GRIK4: variants seen among roughly 807,000 people sequenced by gnomAD.
GRIK4 encodes the protein glutamate receptor ionotropic, kainate 4.
A neutral mutation model predicts 104.9 loss-of-function variants in GRIK4; 40 were observed. The ratio of observed to expected loss-of-function variants is 0.38; its 90% CI spans 0.30 to 0.50. The LOEUF is 0.50. Among genes scored for constraint, GRIK4 ranks in the 20% least tolerant of loss-of-function variants. The pLI, the probability that GRIK4 is intolerant of heterozygous loss-of-function variation, is 0.93. For synonymous variants in GRIK4, 485 were observed against 524.9 expected (o/e 0.92, Z 1.04); for missense variants, 1,047 against 1,308.1 (o/e 0.80, Z 3.08).
chr11:120,912,770 A>C (rs1424129239), intron 13 of GRIK4, among the ~76,000 whole-genome samples: 1 of 152,240 alleles, frequency 6.6e-6, no homozygotes, highest in African/African-American at 2.4e-5. Context: ...GCAGCTGCTC[A>C]GAATTGAGAA....
chr11:120,812,127 C>A (rs141017031), intron 4 of GRIK4, among the ~76,000 whole-genome samples: 1 of 152,248 alleles, frequency 6.6e-6, no homozygotes, highest in South Asian at 2.1e-4. Context: ...TGGCAGTAGA[C>A]GTAGGAAGGA....
At chr11:120,974,359 C>A (rs1212778430) in intron 19 of GRIK4, among the ~76,000 whole-genome samples, 1 of 151,966 alleles carries the variant, frequency 6.6e-6, no homozygotes, top group Admixed American at 6.5e-5. Flanking sequence ...TTCACGTGTG[C>A]CTAAAGGAAG....
rs996641766 is a variant in GRIK4, at chr11:120,898,612, C to T, written c.1245C>T (p.Asn415=). The change falls in exon 12 of 21, where the codon AAC becomes AAT. Residue 415 remains asparagine, a synonymous_variant. Transcript: ENST00000527524. Reference sequence around the variant, plus strand: ...CCAACATCTCGGACACTCTCTTCAACACCACCCTGGTCGTCACCACCATCC... The same window carrying T: ...CCAACATCTCGGACACTCTCTTCAATACCACCCTGGTCGTCACCACCATCC... ...YASNISDTLF[N]TTLVVTTILE... is the part of the protein sequence containing the mutation. 2.5e-6 allele frequency: 4 copies of T among 1,609,824 alleles called. No homozygotes were observed. The African/African-American group carries it at 4.0e-5, about 16-fold the overall frequency.
At chr11:120,605,524 G>A (rs1948949056) in intron 1 of GRIK4, among the ~76,000 whole-genome samples, 1 of 152,242 alleles carries the variant, frequency 6.6e-6, no homozygotes, top group Non-Finnish European at 1.5e-5. Flanking sequence ...TAGCGTCTGA[G>A]TGGGGTGGGT....
intron 1 of GRIK4, among the ~76,000 whole-genome samples, chr11:120,573,838 C>T (rs372450178): frequency 2.6e-5 from 4 of 152,316 alleles, no homozygotes; most frequent in Admixed American, 2.0e-4. Context: ...GTGGCCTGGG[C>T]TTACAGCCAA....
intron 3 of GRIK4, among the ~76,000 whole-genome samples, chr11:120,765,707 C>T (rs1432382268): frequency 2.0e-5 from 3 of 152,160 alleles, no homozygotes; most frequent in Non-Finnish European, 4.4e-5. Context: ...TTCCTTCTAA[C>T]AGTCAGGCCT....
intron 16 of GRIK4, among the ~76,000 whole-genome samples, chr11:120,959,722 T>C (rs1944247122): frequency 6.6e-6 from 1 of 152,252 alleles, no homozygotes; most frequent in Non-Finnish European, 1.5e-5. Context: ...TTCTGTCTAC[T>C]CAGTAAAACA....
chr11:120,737,158 C>T (rs574948451), intron 3 of GRIK4, among the ~76,000 whole-genome samples: 12 of 152,058 alleles, frequency 7.9e-5, no homozygotes, highest in East Asian at 1.9e-4. Flanking sequence ...TGAGGATGGC[C>T]GGGAACCACT....
At chr11:120,729,608 A>G (rs907384210) in intron 3 of GRIK4, among the ~76,000 whole-genome samples, 2 of 152,160 alleles carry the variant, frequency 1.3e-5, no homozygotes, top group Non-Finnish European at 2.9e-5. Context: ...TAATTGGATC[A>G]TTGGACTTTT....
At position 120,953,193 on chromosome 11, in the gene GRIK4, G is replaced by T. The variant is rs1944050065; in HGVS notation, c.1700+229G>T. 6.6e-6 allele frequency among the ~76,000 whole-genome samples: 1 copy of T among 152,086 alleles called. No individual in the cohort carries two copies. The highest frequency in any genetic ancestry group is 6.5e-5 in the Admixed American group (1 of 15,268). ...CCCACTGTGCACGACGCAGACAGGT[G>T]GCTTGGCTTCTGCACCTCTGCCTCC... On this transcript the variant is annotated intron_variant, in intron 15 of 20. Coordinates refer to ENST00000527524, the MANE Select transcript of GRIK4 (RefSeq NM_014619.5). This position sits in a 1 kb window ranked among gnomAD's most constrained non-coding sequence, Gnocchi z 4.9.
At chr11:120,839,467 C>T (rs916080733) in intron 8 of GRIK4, among the ~76,000 whole-genome samples, 7 of 152,154 alleles carry the variant, frequency 4.6e-5, no homozygotes, top group East Asian at 1.9e-4. Flanking sequence ...GTACCTGCCT[C>T]GGGAGATAAT....
chr11:120,818,671 TC>T (rs1953024635), intron 5 of GRIK4, among the ~76,000 whole-genome samples: 1 of 152,204 alleles, frequency 6.6e-6, no homozygotes, highest in South Asian at 2.1e-4. Context: ...AGTAGGAGAC[TC>T]CTACAGAGAC....
chr11:120,687,597 C>CT (rs1950295862), intron 3 of GRIK4, among the ~76,000 whole-genome samples: 1 of 152,080 alleles, frequency 6.6e-6, no homozygotes, highest in South Asian at 2.1e-4. Context: ...TGCCTAATAA[C>CT]TTTTTTATTG....
At chr11:120,957,013 C>T in intron 16 of GRIK4, 60 bp downstream of exon 16, 1 of 1,404,084 alleles carries the variant, frequency 7.1e-7, no homozygotes, top group Admixed American at 2.3e-5. Context: ...AAGGGGCCCT[C>T]TGATAAGCCG....
At chr11:120,694,256 C>T (rs762055466) in intron 3 of GRIK4, among the ~76,000 whole-genome samples, 3 of 152,160 alleles carry the variant, frequency 2.0e-5, no homozygotes, top group Non-Finnish European at 2.9e-5. Context: ...GAAAAGAACC[C>T]TGGGCTAAAT....
At chr11:120,569,201 AC>A (rs1199639660) in intron 1 of GRIK4, among the ~76,000 whole-genome samples, 1 of 152,218 alleles carries the variant, frequency 6.6e-6, no homozygotes, top group Non-Finnish European at 1.5e-5. Context: ...TAATAGACCT[AC>A]CAGGCACGCC....
intron 3 of GRIK4, among the ~76,000 whole-genome samples, chr11:120,776,573 A>G (rs552546698): frequency 6.6e-6 from 1 of 152,312 alleles, no homozygotes; most frequent in East Asian, 1.9e-4. Context: ...TTATCCCAAG[A>G]CTTAGCTGGC....
At chr11:120,696,633 G>A (rs2135321933) in intron 3 of GRIK4, among the ~76,000 whole-genome samples, 1 of 152,002 alleles carries the variant, frequency 6.6e-6, no homozygotes, top group Middle Eastern at 3.4e-3. Flanking sequence ...AGCCAGAATG[G>A]CCTTGGGGTT....
chr11:120,831,717 C>T, intron 6 of GRIK4, 135 bp from the exon 7 acceptor site: 2 of 632,848 alleles, frequency 3.2e-6, no homozygotes, highest in East Asian at 2.6e-5. Context: ...TGATCTGTCT[C>T]CTTAATGCTG....
Sources: gnomAD v4.1 joint callset for allele counts (sites outside exome capture counted in the v4.1 genomes callset) on GRCh38, gnomAD v4.1.1 for gene constraint, Gnocchi (gnomAD v3.1) non-coding constraint, MANE v1.5 for transcripts, NCBI Gene and HGNC (gene_info 2026-07-23, HGNC 2026-07-21) for gene names.